Variants in PHF21B observed in about 807,000 individuals in gnomAD.
The protein encoded by PHF21B is PHD finger protein 4.
PHF21B carries 22 observed loss-of-function variants against 62.2 expected under a neutral mutation model. The observed-to-expected ratio is 0.35, with a 90% CI of 0.25 to 0.51. The LOEUF (loss-of-function observed/expected upper bound fraction) is 0.51, where lower values mean the gene tolerates loss of function less well. PHF21B is among the 20% of genes least tolerant of loss of function. The pLI, the probability that PHF21B is intolerant of heterozygous loss-of-function variation, is 0.97. For missense variants in PHF21B, 701 were observed against 707.9 expected, an observed-to-expected ratio of 0.99 and a Z score of 0.11; for synonymous variants, 341 against 314.7, an observed-to-expected ratio of 1.08 and a Z score of -0.88.
chr22:44,912,675 A>G (rs1215856326), intron 5 of PHF21B, among the ~76,000 whole-genome samples: 1 of 151,994 alleles, frequency 6.6e-6, no homozygotes, highest in Non-Finnish European at 1.5e-5. Context: ...GTATGTCTTT[A>G]TCAGCAGCAT....
Position 44,882,825 on chromosome 22 carries a change from C to CG in PHF21B, c.*260dup, listed in dbSNP as rs201025653. On this transcript the variant is annotated 3_prime_UTR_variant, in exon 13 of 13. Coordinates refer to ENST00000313237, the MANE Select transcript of PHF21B (RefSeq NM_138415.5). ...GAGGCCCAGGCAGCCCCGAGGTGGC[C>CG]GGGGGGAGACTGTGTGCCCCAGCCT... The CG allele has an allele frequency of 2.3e-3, 989 of 437,144 alleles. 11 individuals carry two copies. Among genetic ancestry groups the CG allele is most frequent in the South Asian group, 2.5e-3 (73 of 29,136 alleles). 27.1% of individuals were successfully genotyped at this position (437,144 alleles called of 1,614,324 possible).
rs1177514695 is a variant in PHF21B, at chr22:45,009,972, A to C, written c.-423T>G. On this transcript the variant is annotated 5_prime_UTR_variant, in exon 1 of 13. Transcript: ENST00000313237. The surrounding 1 kb of genome is among the most constrained non-coding windows in gnomAD (Gnocchi z 5.9). ...GCCTGGATCTCGTTGGGCCTCGGCA[A>C]AGTTGTGCCTCGGCACGATGCTAAT... 6.9e-6 allele frequency: 1 copy of C among 145,434 alleles called. No individual in the cohort carries two copies. Among genetic ancestry groups the C allele is most frequent in the Admixed American group, 6.8e-5 (1 of 14,690 alleles). 9.0% of individuals were successfully genotyped at this position (145,434 alleles called of 1,614,324 possible).
At chr22:44,951,027 G>A (rs554891655) in intron 2 of PHF21B, among the ~76,000 whole-genome samples, 4 of 152,180 alleles carry the variant, frequency 2.6e-5, no homozygotes, top group East Asian at 1.9e-4. Context: ...AAAGCCTGCC[G>A]CCAGACGCAG....
intron 2 of PHF21B, among the ~76,000 whole-genome samples, chr22:44,985,609 A>G (rs2072930984): frequency 6.6e-6 from 1 of 152,224 alleles, no homozygotes; most frequent in Non-Finnish European, 1.5e-5. Flanking sequence ...AAAAGAAAAA[A>G]AAAAATGAAG....
intron 2 of PHF21B, among the ~76,000 whole-genome samples, chr22:44,924,878 G>A (rs543729373): frequency 3.9e-5 from 6 of 152,294 alleles, no homozygotes; most frequent in African/African-American, 1.4e-4. Flanking sequence ...AGCTCTTGGT[G>A]TCACAGCACA....
chr22:44,909,233 A>G (rs961763779), intron 5 of PHF21B, among the ~76,000 whole-genome samples: 1 of 152,272 alleles, frequency 6.6e-6, no homozygotes, highest in Non-Finnish European at 1.5e-5. Context: ...TAATTGTATA[A>G]ATGCACAATA....
Position 44,916,416 on chromosome 22 carries a change from A to G in PHF21B, c.428T>C (p.Leu143Pro), listed in dbSNP as rs758462181. The G allele has an allele frequency of 1.9e-6, 3 of 1,597,102 alleles. No individual in the cohort carries two copies. In the African/African-American group the frequency reaches 4.0e-5, roughly 21 times the overall value. ...LAEPAALASP[L>P]SSAGVAYAII... The stretch of plus-strand genomic sequence containing the variant: ...GGCGTAGGCCACCCCCGCACTGCTC[A>G]GCGGAGAGGCGAGGGCGGCGGGCTC... Residue 143 changes from leucine to proline, a missense_variant, in exon 4 of 13, where the codon CTG becomes CCG. Coordinates refer to ENST00000313237, the MANE Select transcript of PHF21B (RefSeq NM_138415.5).
chr22:44,985,838 C>T (rs1455121937), intron 2 of PHF21B, among the ~76,000 whole-genome samples: 2 of 152,070 alleles, frequency 1.3e-5, no homozygotes, highest in Non-Finnish European at 1.5e-5. Flanking sequence ...TGGGCACCAC[C>T]GCCACTACCA....
chr22:44,898,634 C>T (rs2071102031), intron 5 of PHF21B, among the ~76,000 whole-genome samples: 2 of 152,040 alleles, frequency 1.3e-5, no homozygotes, highest in South Asian at 2.1e-4. Context: ...TTTTAAAATG[C>T]ATCAATTTTT....
chr22:44,994,158 A>G (rs1365876172), intron 2 of PHF21B, among the ~76,000 whole-genome samples: 1 of 152,260 alleles, frequency 6.6e-6, no homozygotes, highest in African/African-American at 2.4e-5. Context: ...GGCTAGCTTC[A>G]GCTGGTGGAG....
chr22:44,969,136 G>A (rs1320956975), intron 2 of PHF21B: 1 of 152,266 alleles, frequency 6.6e-6, no homozygotes, highest in Non-Finnish European at 1.5e-5. Flanking sequence ...GACGAAGCAG[G>A]ACAAAGGGCC....
rs147769469 is a variant in PHF21B, at chr22:44,946,174, CT to C, written c.121-25685del. On this transcript the variant is annotated intron_variant, in intron 2 of 12. Transcript: ENST00000313237. ...CGGAAGGCTTCCCAGAGGAGGTGCA[CT>C]GCGGCAGAGCCCAGGCTGAGAGTGG... Among the ~76,000 whole-genome samples the C allele has an allele frequency of 3.7e-3, 558 of 152,176 alleles. 5 individuals are homozygous for C. Among genetic ancestry groups the C allele is most frequent in the African/African-American group, 0.013 (532 of 41,508 alleles).
chr22:44,985,017 G>C (rs1192142341), intron 2 of PHF21B, among the ~76,000 whole-genome samples: 1 of 152,186 alleles, frequency 6.6e-6, no homozygotes, highest in Non-Finnish European at 1.5e-5. Context: ...CTGTTATCCT[G>C]TTAACTCTGC....
At chr22:44,941,623 C>A (rs2071958727) in intron 2 of PHF21B, among the ~76,000 whole-genome samples, 1 of 152,194 alleles carries the variant, frequency 6.6e-6, no homozygotes, top group South Asian at 2.1e-4. Flanking sequence ...CCACTTCCCA[C>A]GTTAGCAGGG....
chr22:44,937,555 C>G (rs2147355009), intron 2 of PHF21B, among the ~76,000 whole-genome samples: 1 of 152,374 alleles, frequency 6.6e-6, no homozygotes, highest in East Asian at 1.9e-4. Context: ...CCTGTGCTCT[C>G]TGACCCAGCA....
chr22:44,939,158 G>A (rs1163147188), intron 2 of PHF21B, among the ~76,000 whole-genome samples: 1 of 152,230 alleles, frequency 6.6e-6, no homozygotes, highest in East Asian at 1.9e-4. Flanking sequence ...AGACAGGGCT[G>A]GGGAAGAGGG....
intron 6 of PHF21B, among the ~76,000 whole-genome samples, chr22:44,895,691 G>A (rs1424066218): frequency 3.9e-5 from 6 of 152,226 alleles, no homozygotes; most frequent in Non-Finnish European, 8.8e-5. Flanking sequence ...AGAGCAGGGA[G>A]CCCACACGGT....
intron 2 of PHF21B, among the ~76,000 whole-genome samples, chr22:44,936,611 T>C (rs1310683667): frequency 6.6e-6 from 1 of 152,188 alleles, no homozygotes; most frequent in East Asian, 1.9e-4. Flanking sequence ...TGAAAAGATA[T>C]TAAAGTATCT....
At chr22:44,896,566 C>T (rs568916265) in intron 5 of PHF21B, among the ~76,000 whole-genome samples, 2 of 152,354 alleles carry the variant, frequency 1.3e-5, no homozygotes, top group Non-Finnish European at 2.9e-5. Context: ...CATAACACGT[C>T]ACTGGTTCAT....
Sources: gnomAD v4.1 joint callset for allele counts (sites outside exome capture counted in the v4.1 genomes callset) on GRCh38, gnomAD v4.1.1 for gene constraint, Gnocchi (gnomAD v3.1) non-coding constraint, MANE v1.5 for transcripts, NCBI Gene and HGNC (gene_info 2026-07-23, HGNC 2026-07-21) for gene names.